Variants in DYRK1A observed in about 807,000 individuals in gnomAD.
DYRK1A encodes the protein dual specificity tyrosine phosphorylation regulated kinase 1A.
A neutral mutation model predicts 79.7 loss-of-function variants in DYRK1A; 9 were observed. That is an observed-to-expected ratio of 0.11 (90% confidence interval 0.07 to 0.20). The LOEUF is 0.20. Ranked by LOEUF, DYRK1A falls within the 10% of genes least tolerant of loss-of-function variation. The pLI is 1.00. For missense variants in DYRK1A, 622 were observed against 956.0 expected (o/e 0.65, Z 4.61); for synonymous variants, 349 against 329.7 (o/e 1.06, Z -0.63).
intron 1 of DYRK1A, among the ~76,000 whole-genome samples, chr21:37,392,412 A>G (rs1340809793): frequency 6.6e-6 from 1 of 152,244 alleles, no homozygotes; most frequent in Non-Finnish European, 1.5e-5. Flanking sequence ...TATTTGAGGC[A>G]TGTCTTGGTC....
At chr21:37,422,575 G>A (rs574620595) in intron 2 of DYRK1A, among the ~76,000 whole-genome samples, 2 of 152,228 alleles carry the variant, frequency 1.3e-5, no homozygotes, top group African/African-American at 4.8e-5. Context: ...TCCTTGATGA[G>A]GCACAGGTTC....
intron 1 of DYRK1A, among the ~76,000 whole-genome samples, chr21:37,378,298 C>T (rs1010001332): frequency 2.6e-5 from 4 of 152,152 alleles, no homozygotes; most frequent in African/African-American, 4.8e-5. Flanking sequence ...TTTGGGAGGC[C>T]GAGGTGGGCT....
rs529045615 is a variant in DYRK1A, at chr21:37,432,054, T to A, written c.10+11670T>A. Among the ~76,000 whole-genome samples the A allele has an allele frequency of 2.0e-4, 31 of 152,360 alleles. No individual in the cohort carries two copies. In the Middle Eastern group the frequency reaches 0.01, roughly 50 times the overall value. On this transcript the variant is annotated intron_variant, in intron 2 of 11. Transcript: ENST00000647188. Reference sequence around the variant, plus strand: ...TTTTTGTTTTGACAATATACTATTATAACTTTTAGCTGAATAAAATCTTAA... The same window carrying A: ...TTTTTGTTTTGACAATATACTATTAAAACTTTTAGCTGAATAAAATCTTAA...
rs1183029117 is a variant in DYRK1A at position 37,479,606 on chromosome 21, G to GTTTTTTTTTTTT, written c.301-1027_301-1026insTTTTTTTTTTTT. Among the ~76,000 whole-genome samples, 157 of 27,570 alleles carry GTTTTTTTTTTTT rather than the reference G, an allele frequency of 5.7e-3. 26 individuals are homozygous for GTTTTTTTTTTTT. The highest frequency in any genetic ancestry group is 0.027 in the East Asian group (24 of 876). 18.1% of individuals were successfully genotyped at this position (27,570 alleles called of 152,430 possible). Reference sequence around the variant, plus strand: ...GTGTTGGTGTTTTGTTTTTGTTTTTGTTTTTGTTTTTTGTTTTTTTTTTTT... The same window carrying GTTTTTTTTTTTT: ...GTGTTGGTGTTTTGTTTTTGTTTTTGTTTTTTTTTTTTTTTTTGTTTTTTGTTTTTTTTTTTT... On this transcript the variant is annotated intron_variant, in intron 4 of 11. Transcript: ENST00000647188.
intron 2 of DYRK1A, among the ~76,000 whole-genome samples, chr21:37,442,913 G>A (rs1265864701): frequency 6.6e-6 from 1 of 152,008 alleles, no homozygotes; most frequent in East Asian, 1.9e-4. Flanking sequence ...TAGCTCACTG[G>A]GGCCTCATAC....
chr21:37,492,710 A>G (rs531655603), intron 7 of DYRK1A, among the ~76,000 whole-genome samples: 3 of 152,288 alleles, frequency 2.0e-5, no homozygotes, highest in African/African-American at 7.2e-5. Context: ...CATTGCTTTC[A>G]ATAGTGTTTT....
At chr21:37,379,785 A>T (rs1396835548) in intron 1 of DYRK1A, among the ~76,000 whole-genome samples, 1 of 152,116 alleles carries the variant, frequency 6.6e-6, no homozygotes, top group Non-Finnish European at 1.5e-5. Flanking sequence ...TATTCTCTTT[A>T]TTTTTTCATG....
intron 1 of DYRK1A, among the ~76,000 whole-genome samples, chr21:37,382,934 T>C (rs986542002): frequency 1.3e-5 from 2 of 152,242 alleles, no homozygotes; most frequent in African/African-American, 2.4e-5. Context: ...CCTTGTGTTA[T>C]TGGTTCATTA....
chr21:37,403,647 AAATATAT>A (rs1427240090), intron 1 of DYRK1A, among the ~76,000 whole-genome samples: 1,190 of 103,886 alleles, frequency 0.011, 9 homozygotes, highest in South Asian at 0.022. Flanking sequence ...AAAAAAAAAA[AAATATAT>A]ATATATATAT....
chr21:37,510,672 G>A (rs1001824597), intron 11 of DYRK1A, among the ~76,000 whole-genome samples: 1 of 152,116 alleles, frequency 6.6e-6, no homozygotes, highest in African/African-American at 2.4e-5. Flanking sequence ...AGGTGTTCAG[G>A]TTAGTGGCTA....
chr21:37,396,711 C>T (rs556002132), intron 1 of DYRK1A, among the ~76,000 whole-genome samples: 3 of 152,194 alleles, frequency 2.0e-5, no homozygotes, highest in East Asian at 3.9e-4. Flanking sequence ...AATTGGTAGA[C>T]GACCCTTTGA....
intron 1 of DYRK1A, among the ~76,000 whole-genome samples, chr21:37,416,713 G>A (rs1338445701): frequency 6.6e-6 from 1 of 151,942 alleles, no homozygotes; most frequent in African/African-American, 2.4e-5. Context: ...TTTAGATCTA[G>A]TTTTTCTTGA....
intron 9 of DYRK1A, 28 bp downstream of exon 9, chr21:37,496,286 C>T (rs769086079): frequency 1.9e-6 from 3 of 1,582,584 alleles, no homozygotes; most frequent in Non-Finnish European, 2.6e-6. Flanking sequence ...CTGTTTTGAG[C>T]CTTTATTAAA....
chr21:37,495,314 A>G (rs2053235326), intron 8 of DYRK1A, among the ~76,000 whole-genome samples: 1 of 151,962 alleles, frequency 6.6e-6, no homozygotes, highest in African/African-American at 2.4e-5. Flanking sequence ...GTTTGAGACT[A>G]GCATAGGCAA....
chr21:37,366,652 G>A (rs1442579165), upstream of DYRK1A, among the ~76,000 whole-genome samples: 1 of 151,864 alleles, frequency 6.6e-6, no homozygotes, highest in Non-Finnish European at 1.5e-5. Flanking sequence ...CGGAAAGGAG[G>A]GAACGGAATC....
At chr21:37,474,551 T>C (rs2052333749) in intron 3 of DYRK1A, among the ~76,000 whole-genome samples, 1 of 152,194 alleles carries the variant, frequency 6.6e-6, no homozygotes, top group Non-Finnish European at 1.5e-5. Flanking sequence ...AGGACCTGGC[T>C]TCAAGGTCTT....
At chr21:37,387,129 CAAAG>C (rs1175728918) in intron 1 of DYRK1A, among the ~76,000 whole-genome samples, 6 of 152,278 alleles carry the variant, frequency 3.9e-5, no homozygotes, top group Middle Eastern at 3.4e-3. Flanking sequence ...GCTTCTGTTA[CAAAG>C]AAAGAAAGGG....
rs1348725868 is a variant in DYRK1A at position 37,521,071 on chromosome 21, T to A, written c.*8540T>A. On this transcript the variant is annotated 3_prime_UTR_variant, in exon 12 of 12. Coordinates refer to ENST00000647188, the MANE Select transcript of DYRK1A (RefSeq NM_001347721.2). ...ATGTAATGACAGCTACTTAACATCT[T>A]CTGTAGTCTTGAAGAATTCAGATGA... is the stretch of plus-strand genomic sequence containing the variant. The A allele has an allele frequency of 1.3e-5, 2 of 152,236 alleles. No homozygotes were observed. The highest frequency in any genetic ancestry group is 2.9e-5 in the Non-Finnish European group (2 of 68,066). 9.4% of individuals were successfully genotyped at this position (152,236 alleles called of 1,614,324 possible). A position where few individuals can be genotyped will look rare whatever the true frequency, so the allele number is the denominator to read the frequency against.
chr21:37,507,045 A>G (rs1025643861), intron 11 of DYRK1A, among the ~76,000 whole-genome samples: 3 of 150,268 alleles, frequency 2.0e-5, no homozygotes, highest in Non-Finnish European at 4.4e-5. Context: ...AATAGTTTCA[A>G]ACTTTTCTAC....
Sources: gnomAD v4.1 joint callset for allele counts (sites outside exome capture counted in the v4.1 genomes callset) on GRCh38, gnomAD v4.1.1 for gene constraint, MANE v1.5 for transcripts, NCBI Gene and HGNC (gene_info 2026-07-23, HGNC 2026-07-21) for gene names.